Variants in SH3RF3 observed in about 807,000 individuals in gnomAD.
SH3RF3 encodes the protein SH3 domain containing ring finger 3, also known as E3 ubiquitin-protein ligase SH3RF3.
Under a neutral mutation model 66.3 loss-of-function variants are expected in SH3RF3, and 29 were observed. That is an observed-to-expected ratio of 0.44 (90% CI 0.33 to 0.60). The LOEUF (loss-of-function observed/expected upper bound fraction) is 0.60, where lower values mean the gene tolerates loss of function less well. SH3RF3 is among the 20% of genes least tolerant of loss of function. The pLI is 0.04. For synonymous variants in SH3RF3, 583 were observed against 532.0 expected, an observed-to-expected ratio of 1.10 and a Z score of -1.32; for missense variants, 1,194 against 1,190.9, an observed-to-expected ratio of 1.00 and a Z score of -0.04.
intron 1 of SH3RF3, among the ~76,000 whole-genome samples, chr2:109,229,442 C>T (rs1226316484): frequency 6.6e-6 from 1 of 152,220 alleles, no homozygotes; most frequent in African/African-American, 2.4e-5. Flanking sequence ...GCTGTCATGT[C>T]TCCATGGACT....
At chr2:109,277,320 A>T (rs1558997089) in intron 1 of SH3RF3, among the ~76,000 whole-genome samples, 1 of 152,134 alleles carries the variant, frequency 6.6e-6, no homozygotes, top group Non-Finnish European at 1.5e-5. Flanking sequence ...TGATGGTTTG[A>T]TTGGATTTTG....
At chr2:109,135,752 A>G (rs572478422) in intron 1 of SH3RF3, among the ~76,000 whole-genome samples, 3 of 152,286 alleles carry the variant, frequency 2.0e-5, no homozygotes, top group Non-Finnish European at 2.9e-5. Context: ...TGGATCGTCA[A>G]GCATTACTGG....
chr2:109,249,519 T>TTCTTTCTTTCTTTCTTTTTC (rs10646553), intron 1 of SH3RF3, among the ~76,000 whole-genome samples: 1 of 61,900 alleles, frequency 1.6e-5, no homozygotes, highest in African/African-American at 6.2e-5. Flanking sequence ...CATTCTTTCT[T>TTCTTTCTTTCTTTCTTTTTC]TTTCTTTCTT....
intron 1 of SH3RF3, among the ~76,000 whole-genome samples, chr2:109,204,901 G>A (rs1678773921): frequency 6.6e-6 from 1 of 152,188 alleles, no homozygotes; most frequent in Non-Finnish European, 1.5e-5. Context: ...AATTTTAGAA[G>A]TCTGCCTTTT....
intron 1 of SH3RF3, among the ~76,000 whole-genome samples, chr2:109,194,327 G>T (rs1678442618): frequency 6.6e-6 from 1 of 152,236 alleles, no homozygotes; most frequent in South Asian, 2.1e-4. Context: ...TTGGGCTGCG[G>T]TGTCCCCAGC....
At position 109,371,575 on chromosome 2, in the gene SH3RF3, C is replaced by G. The variant is rs371825072; in HGVS notation, c.850-11C>G. The G allele has an allele frequency of 1.7e-5, 27 of 1,612,936 alleles. No individual in the cohort carries two copies. Among genetic ancestry groups the G allele is most frequent in the Non-Finnish European group, 2.3e-5 (27 of 1,179,300 alleles). The stretch of plus-strand genomic sequence containing the variant: ...CGTATGCTTGTGTCCACGGTGGACC[C>G]GGAACTGCAGGACGAGATTCTGACG... On this transcript the variant is annotated splice_polypyrimidine_tract_variant and intron_variant, in intron 2 of 9. Transcript: ENST00000309415.
intron 7 of SH3RF3, among the ~76,000 whole-genome samples, chr2:109,445,299 G>A (rs1677674616): frequency 6.6e-6 from 1 of 152,164 alleles, no homozygotes; most frequent in South Asian, 2.1e-4. Flanking sequence ...CTCCAAAATT[G>A]AAGAGGGGCT....
chr2:109,171,257 G>GTT (rs1377485301), intron 1 of SH3RF3, among the ~76,000 whole-genome samples: 8 of 152,134 alleles, frequency 5.3e-5, no homozygotes, highest in Non-Finnish European at 5.9e-5. Flanking sequence ...GTATTTGGTT[G>GTT]TTTTGGTTAT....
Position 109,501,647 on chromosome 2 carries a change from G to A in SH3RF3, c.2625G>A (p.Pro875=), listed in dbSNP as rs759301920. Reference sequence around the variant, plus strand: ...GGAACGGCCGCACAGGCCTCTTCCCGGGCAGCTTCGTCGAGAGCTTCTGAG... The same window carrying A: ...GGAACGGCCGCACAGGCCTCTTCCCAGGCAGCTTCGTCGAGAGCTTCTGAG... ...LQRNGRTGLF[P]GSFVESF Residue 875 remains proline, a synonymous_variant, in exon 10 of 10, where the codon CCG becomes CCA. Transcript: ENST00000309415. 106 of 773,510 alleles carry A rather than the reference G, an allele frequency of 1.4e-4. No individual in the cohort carries two copies. The highest frequency in any genetic ancestry group is 1.3e-3 in the Admixed American group (77 of 58,064). 47.9% of individuals were successfully genotyped at this position (773,510 alleles called of 1,614,324 possible).
intron 1 of SH3RF3, among the ~76,000 whole-genome samples, chr2:109,284,017 G>A (rs756906423): frequency 1.3e-5 from 2 of 152,186 alleles, no homozygotes; most frequent in Admixed American, 6.5e-5. Context: ...GGGTAGGAAA[G>A]CCGAGGGGAG....
chr2:109,447,363 C>T (rs527398883), intron 7 of SH3RF3, among the ~76,000 whole-genome samples: 5 of 152,170 alleles, frequency 3.3e-5, no homozygotes, highest in Admixed American at 1.3e-4. Context: ...GTATGTCTCA[C>T]GGTGCTACTT....
intron 1 of SH3RF3, among the ~76,000 whole-genome samples, chr2:109,296,524 G>A (rs758930745): frequency 3.3e-5 from 5 of 152,110 alleles, no homozygotes; most frequent in Non-Finnish European, 5.9e-5. Flanking sequence ...TTACAGGTGT[G>A]AGCCTCTGTG....
chr2:109,390,440 T>G (rs768682591), intron 3 of SH3RF3, among the ~76,000 whole-genome samples: 7 of 152,174 alleles, frequency 4.6e-5, no homozygotes, highest in Non-Finnish European at 7.3e-5. Context: ...AATTTTCTGT[T>G]TTCTTATTTA....
chr2:109,161,850 A>G (rs893260435), intron 1 of SH3RF3, among the ~76,000 whole-genome samples: 6 of 151,946 alleles, frequency 3.9e-5, no homozygotes, highest in Middle Eastern at 6.8e-3. Context: ...CCCGTCCAAC[A>G]TTGGGGATCA....
chr2:109,368,962 C>G (rs1446894267), intron 2 of SH3RF3, among the ~76,000 whole-genome samples: 1 of 152,058 alleles, frequency 6.6e-6, no homozygotes, highest in Non-Finnish European at 1.5e-5. Context: ...GCTTGAGAGG[C>G]AAGTCAGGCA....
intron 1 of SH3RF3, among the ~76,000 whole-genome samples, chr2:109,226,794 G>A (rs1003287301): frequency 1.3e-5 from 2 of 152,188 alleles, no homozygotes; most frequent in Admixed American, 1.3e-4. Flanking sequence ...GGAACTTGTG[G>A]CTTAGTAAGA....
intron 1 of SH3RF3, among the ~76,000 whole-genome samples, chr2:109,288,797 G>C (rs1463699070): frequency 6.6e-6 from 1 of 151,658 alleles, no homozygotes; most frequent in Non-Finnish European, 1.5e-5. Flanking sequence ...GCTACTACAG[G>C]AGGACTCAAA....
chr2:109,357,106 A>G (rs560277507), intron 2 of SH3RF3, among the ~76,000 whole-genome samples: 1 of 150,880 alleles, frequency 6.6e-6, no homozygotes, highest in South Asian at 2.1e-4. Context: ...ATACTTATAC[A>G]TAACATATCA....
chr2:109,271,944 G>A lies in SH3RF3; in HGVS notation c.574-75730G>A, dbSNP rs909640576. 2.6e-5 allele frequency among the ~76,000 whole-genome samples: 4 copies of A among 152,346 alleles called. No homozygotes were observed. The South Asian group carries it at 6.2e-4, about 24-fold the overall frequency. On this transcript the variant is annotated intron_variant, in intron 1 of 9. Coordinates refer to ENST00000309415, the MANE Select transcript of SH3RF3 (RefSeq NM_001099289.3). ...CACAGCCCTGGATCCTCCTTTGTGT[G>A]TGTTCTTTCAACATGGTGATGGATA... is the stretch of plus-strand genomic sequence containing the variant.
Sources: allele counts gnomAD v4.1 joint callset (sites outside exome capture counted in the v4.1 genomes callset), GRCh38; gene constraint gnomAD v4.1.1; transcripts MANE v1.5; gene names NCBI Gene and HGNC (gene_info 2026-07-23, HGNC 2026-07-21).